The following APC variants were observed in gnomAD, a reference collection of about 807,000 sequenced individuals.
APC encodes adenomatous polyposis coli protein.
APC carries 72 observed loss-of-function variants against 247.0 expected under a neutral mutation model. The observed-to-expected ratio is 0.29, with a 90% CI of 0.24 to 0.35. The LOEUF (loss-of-function observed/expected upper bound fraction) is 0.35. Ranked by LOEUF, APC falls within the 10% of genes least tolerant of loss-of-function variation. The probability of loss-of-function intolerance (pLI) is 1.00; values close to 1 mark genes in which losing one functional copy is unlikely to be tolerated. For synonymous variants in APC, 1,254 were observed against 1,162.5 expected, an observed-to-expected ratio of 1.08 and a Z score of -1.60; for missense variants, 3,400 against 3,360.7, an observed-to-expected ratio of 1.01 and a Z score of -0.29.
intron 1 of APC, among the ~76,000 whole-genome samples, chr5:112,719,456 C>G (rs1751361674): frequency 6.6e-6 from 1 of 151,624 alleles, no homozygotes. Context: ...CTCCTGACCT[C>G]AAATGATCCA....
At chr5:112,731,056 ATATAAT>A (rs1361166492) in intron 1 of APC, among the ~76,000 whole-genome samples, 3 of 151,788 alleles carry the variant, frequency 2.0e-5, no homozygotes, top group Admixed American at 2.0e-4. Context: ...TATATGGATT[ATATAAT>A]TATATATCAT....
chr5:112,796,495 T>A (rs917609761), intron 7 of APC, among the ~76,000 whole-genome samples: 1 of 152,184 alleles, frequency 6.6e-6, no homozygotes, highest in Non-Finnish European at 1.5e-5. Flanking sequence ...AATGTGATAG[T>A]CATAATCCTA....
At chr5:112,774,930 CAGT>C (rs1757453457) in intron 4 of APC, among the ~76,000 whole-genome samples, 1 of 152,098 alleles carries the variant, frequency 6.6e-6, no homozygotes, top group Non-Finnish European at 1.5e-5. Flanking sequence ...AAAATTATAA[CAGT>C]GGTAGCTCTG....
chr5:112,766,957 A>C (rs1417849053), intron 3 of APC, among the ~76,000 whole-genome samples: 2 of 152,342 alleles, frequency 1.3e-5, no homozygotes, highest in African/African-American at 4.8e-5. Flanking sequence ...TATTATTTAG[A>C]GGAAGTCTAA....
chr5:112,805,781 A>G (rs1761317077), intron 8 of APC, among the ~76,000 whole-genome samples: 1 of 152,238 alleles, frequency 6.6e-6, no homozygotes, highest in Non-Finnish European at 1.5e-5. Context: ...GGATCACAGT[A>G]GCATGCTCTG....
chr5:112,736,124 T>G (rs950217173), upstream of APC, among the ~76,000 whole-genome samples: 1 of 152,232 alleles, frequency 6.6e-6, no homozygotes, highest in Non-Finnish European at 1.5e-5. Flanking sequence ...AAAAATGACT[T>G]GTAAATAAGT....
chr5:112,739,662 C>G (rs535495512), intron 1 of APC, among the ~76,000 whole-genome samples: 1 of 152,046 alleles, frequency 6.6e-6, no homozygotes, highest in Non-Finnish European at 1.5e-5. Flanking sequence ...TGAGCCTTGG[C>G]GTTCAAGACC....
rs1765356568 is a variant in APC, at chr5:112,838,779, A to G, written c.3185A>G (p.Gln1062Arg). Residue 1062 changes from glutamine (Q) to arginine (R), a missense_variant, in exon 16 of 16, where the codon CAA becomes CGA. Transcript: ENST00000257430. ...PKHIIEDEIKQSEQRQSRNQS... is the reference protein window; with the variant it reads ...PKHIIEDEIKRSEQRQSRNQS... ...CACATAATAGAAGATGAAATAAAAC[A>G]AAGTGAGCAAAGACAATCAAGGAAT... The G allele has an allele frequency of 6.2e-7, 1 of 1,614,036 alleles. No individual in the cohort carries two copies. Among genetic ancestry groups the G allele is most frequent in the Non-Finnish European group, 8.5e-7 (1 of 1,180,022 alleles).
upstream of APC, among the ~76,000 whole-genome samples, chr5:112,735,076 A>G (rs936843271): frequency 2.6e-5 from 4 of 152,172 alleles, no homozygotes; most frequent in African/African-American, 9.7e-5. Flanking sequence ...AAAAGCAATG[A>G]AGCTGGTTAT....
rs1554069689 is a variant in APC at position 112,767,204 on chromosome 5, G to A, written c.236G>A (p.Ser79Asn). ...LERLKELNLD[S>N]SNFPGVKLRS... Reference sequence around the variant, plus strand: ...TTTTATTTAGAGCTTAACTTAGATAGCAGTAATTTCCCTGGAGTAAAACTG... The same window carrying A: ...TTTTATTTAGAGCTTAACTTAGATAACAGTAATTTCCCTGGAGTAAAACTG... Residue 79 changes from serine (S) to asparagine (N), a missense_variant, in exon 4 of 16, where the codon AGC (serine) becomes AAC (asparagine). By Grantham distance (46) the Ser-to-Asn change is conservative (BLOSUM62 1). This residue lies in a region of APC where 372 missense variants were observed against 367.6 expected (regional missense o/e 1.01). Coordinates refer to ENST00000257430, the MANE Select transcript of APC (RefSeq NM_000038.6). The A allele has an allele frequency of 6.2e-7, 1 of 1,613,870 alleles. No individual in the cohort carries two copies. Among genetic ancestry groups the A allele is most frequent in the South Asian group, 1.1e-5 (1 of 91,074 alleles).
chr5:112,775,390 C>A, intron 4 of APC, among the ~76,000 whole-genome samples: 1 of 151,914 alleles, frequency 6.6e-6, no homozygotes, highest in East Asian at 1.9e-4. Flanking sequence ...TGTAAGTATT[C>A]TTTTAAGGAT....
chr5:112,796,151 G>T (rs1473222191), intron 7 of APC, among the ~76,000 whole-genome samples: 5 of 152,192 alleles, frequency 3.3e-5, no homozygotes, highest in African/African-American at 9.7e-5. Flanking sequence ...AAAGGAAGGT[G>T]ATTATAGTAT....
At chr5:112,745,964 A>C (rs1275795522) in intron 1 of APC, among the ~76,000 whole-genome samples, 1 of 152,224 alleles carries the variant, frequency 6.6e-6, no homozygotes, top group Non-Finnish European at 1.5e-5. Context: ...AGTGGAAAGT[A>C]TGTGTTGATG....
chr5:112,738,307 A>T (rs570823582), intron 1 of APC: 1 of 985,514 alleles, frequency 1.0e-6, no homozygotes. Flanking sequence ...GCGAGGAGCA[A>T]AAGCTCTACC....
intron 4 of APC, among the ~76,000 whole-genome samples, chr5:112,770,634 T>G (rs1049550719): frequency 5.3e-5 from 8 of 152,142 alleles, no homozygotes; most frequent in African/African-American, 1.9e-4. Flanking sequence ...TTATAAAGCA[T>G]CATAAATGAA....
intron 5 of APC, among the ~76,000 whole-genome samples, chr5:112,776,746 C>T (rs1203730966): frequency 6.6e-6 from 1 of 151,908 alleles, no homozygotes. Context: ...GAGGCTGAGG[C>T]AGGAAAAGCA....
Position 112,842,133 on chromosome 5 carries a change from A to G in APC, c.6539A>G (p.Lys2180Arg), listed in dbSNP as rs762955111. Residue 2180 changes from lysine to arginine, a missense_variant, in exon 16 of 16, where the codon AAG becomes AGG. Transcript: ENST00000257430. Reference protein sequence around the residue: ...PGEKSTLETKKIESESKGIKG... With the variant: ...PGEKSTLETKRIESESKGIKG... The stretch of plus-strand genomic sequence containing the variant: ...GAGAAAAGTACATTGGAAACTAAAA[A>G]GATAGAATCTGAAAGTAAAGGAATC... The G allele has an allele frequency of 6.8e-6, 11 of 1,611,430 alleles. No individual in the cohort carries two copies. Among genetic ancestry groups the G allele is most frequent in the Non-Finnish European group, 9.3e-6 (11 of 1,178,588 alleles).
Position 112,840,405 on chromosome 5 carries a change from C to G in APC, c.4811C>G (p.Pro1604Arg), listed in dbSNP as rs876659682. The G allele has an allele frequency of 1.2e-6, 2 of 1,614,058 alleles. No individual in the cohort carries two copies. The highest frequency in any genetic ancestry group is 2.7e-5 in the African/African-American group (2 of 74,916). ...PAQTASKLPP[P>R]VARKPSQLPV... is the part of the protein sequence containing the mutation. The stretch of plus-strand genomic sequence containing the variant: ...CAGACTGCTTCAAAATTACCTCCAC[C>G]TGTGGCAAGGAAACCAAGTCAGCTG... Residue 1604 changes from proline to arginine, a missense_variant, in exon 16 of 16, where the codon CCT (proline) becomes CGT (arginine). Around this residue, in one of 9 missense-constraint regions of APC, gnomAD observed 1,788 missense variants for 1,649.5 expected, o/e 1.08. Coordinates refer to ENST00000257430, the MANE Select transcript of APC (RefSeq NM_000038.6). This position sits in a 1 kb window ranked among gnomAD's most constrained non-coding sequence, Gnocchi z 4.1.
chr5:112,727,913 C>T (rs1240859223), intron 1 of APC, among the ~76,000 whole-genome samples: 2 of 151,566 alleles, frequency 1.3e-5, no homozygotes, highest in African/African-American at 4.8e-5. Context: ...CTTAAATATA[C>T]AGGCAAGCAT....
Sources: gnomAD v4.1 joint callset for allele counts (sites outside exome capture counted in the v4.1 genomes callset) on GRCh38, gnomAD v4.1.1 for gene constraint, gnomAD v4.1.1 regional missense constraint, Gnocchi (gnomAD v3.1) non-coding constraint, MANE v1.5 for transcripts, NCBI Gene and HGNC (gene_info 2026-07-23, HGNC 2026-07-21) for gene names.